Variants in TOX3 observed in about 807,000 individuals in gnomAD.
TOX3 encodes the protein TOX high mobility group box family member 3, also known as CAG trinucleotide repeat-containing gene F9 protein.
Under a neutral mutation model 64.3 loss-of-function variants are expected in TOX3, and 22 were observed. The observed-to-expected ratio is 0.34, with a 90% CI of 0.24 to 0.49. TOX3 has a LOEUF of 0.49. Among genes scored for constraint, TOX3 ranks in the 20% least tolerant of loss-of-function variants. The pLI is 0.99. For missense variants in TOX3, 661 were observed against 714.4 expected (o/e 0.93, Z 0.85); for synonymous variants, 291 against 273.6 (o/e 1.06, Z -0.63).
intron 1 of TOX3, among the ~76,000 whole-genome samples, chr16:52,499,449 GACAA>G (rs764559573): frequency 2.6e-5 from 4 of 152,056 alleles, no homozygotes; most frequent in Non-Finnish European, 4.4e-5. Flanking sequence ...ATAAATACAA[GACAA>G]ACAAACAAAC....
intron 1 of TOX3, among the ~76,000 whole-genome samples, chr16:52,498,977 C>T (rs901807400): frequency 3.9e-5 from 6 of 152,208 alleles, no homozygotes; most frequent in African/African-American, 1.4e-4. Flanking sequence ...CTTACCCTAA[C>T]ACAATGAGCG....
rs1425662404 is a variant in TOX3, at chr16:52,440,748, C to CTTTTTT, written c.988-781_988-780insAAAAAA. Reference sequence around the variant, plus strand: ...ATTGGGTTATATGGTATTTTTCTTTCTTTCTTTTTTTTTTTTTTTTTTTTT... The same window carrying CTTTTTT: ...ATTGGGTTATATGGTATTTTTCTTTCTTTTTTTTTCTTTTTTTTTTTTTTTTTTTTT... On this transcript the variant is annotated intron_variant, in intron 6 of 6. Coordinates refer to ENST00000219746, the MANE Select transcript of TOX3 (RefSeq NM_001080430.4). Among the ~76,000 whole-genome samples, 11 of 89,450 alleles carry CTTTTTT rather than the reference C, an allele frequency of 1.2e-4. 1 individual carries two copies. Among genetic ancestry groups the CTTTTTT allele is most frequent in the East Asian group, 5.9e-4 (1 of 1,704 alleles). 58.7% of individuals were successfully genotyped at this position (89,450 alleles called of 152,430 possible).
At chr16:52,538,671 T>G (rs1322343398) in intron 1 of TOX3, among the ~76,000 whole-genome samples, 4 of 152,236 alleles carry the variant, frequency 2.6e-5, no homozygotes, top group African/African-American at 9.6e-5. Flanking sequence ...TGTCTTCATA[T>G]TAGCCCATTT....
chr16:52,531,008 C>T (rs924265257), intron 1 of TOX3, among the ~76,000 whole-genome samples: 15 of 152,218 alleles, frequency 9.9e-5, no homozygotes, highest in African/African-American at 3.4e-4. Flanking sequence ...ATAGTCAAAA[C>T]TACAGTGTCT....
intron 1 of TOX3, among the ~76,000 whole-genome samples, chr16:52,514,935 C>T (rs546801615): frequency 1.3e-3 from 166 of 131,756 alleles, no homozygotes; most frequent in African/African-American, 4.1e-3. Flanking sequence ...GGCATGAACC[C>T]GGGAGGTGGA....
chr16:52,444,499 GCACACACACACACACA>G (rs200173557), intron 5 of TOX3, 143 bp from the exon 6 acceptor site: 1 of 379,824 alleles, frequency 2.6e-6, no homozygotes. Flanking sequence ...GTTAGCGCAT[GCACACACACACACACA>G]CACACACACA....
intron 1 of TOX3, among the ~76,000 whole-genome samples, chr16:52,516,372 G>A (rs528751419): frequency 2.6e-4 from 40 of 152,042 alleles, no homozygotes; most frequent in African/African-American, 3.4e-4. Flanking sequence ...CAAGAGAAAG[G>A]GAACTGGATT....
intron 1 of TOX3, among the ~76,000 whole-genome samples, chr16:52,495,444 G>A (rs1961820558): frequency 6.6e-6 from 1 of 152,214 alleles, no homozygotes; most frequent in African/African-American, 2.4e-5. Context: ...CAGGCCTAAA[G>A]TGTGGGGGAA....
chr16:52,494,799 A>G (rs1961795344), intron 1 of TOX3, among the ~76,000 whole-genome samples: 1 of 152,246 alleles, frequency 6.6e-6, no homozygotes, highest in South Asian at 2.1e-4. Flanking sequence ...CACCAATCTG[A>G]TTATATGATT....
intron 1 of TOX3, among the ~76,000 whole-genome samples, chr16:52,494,637 A>G (rs962964458): frequency 6.6e-6 from 1 of 152,134 alleles, no homozygotes; most frequent in African/African-American, 2.4e-5. Flanking sequence ...GATTAAATCC[A>G]TCTCTCTAAC....
intron 1 of TOX3, among the ~76,000 whole-genome samples, chr16:52,507,525 C>T (rs1043377878): frequency 2.6e-5 from 4 of 152,142 alleles, no homozygotes; most frequent in South Asian, 4.1e-4. Context: ...TCTGTGATTA[C>T]GTATAGGAAG....
chr16:52,479,802 C>A (rs1350025926), intron 1 of TOX3, among the ~76,000 whole-genome samples: 1 of 152,164 alleles, frequency 6.6e-6, no homozygotes, highest in Non-Finnish European at 1.5e-5. Context: ...ATCCCAATAT[C>A]GCTGGGAGGA....
intron 1 of TOX3, among the ~76,000 whole-genome samples, chr16:52,490,626 A>ATTTTTTT (rs3086679): frequency 0.13 from 12,506 of 98,348 alleles, 1,379 homozygotes; most frequent in East Asian, 0.15. Context: ...CTAGGATGTA[A>ATTTTTTT]TTTTTTTTTT....
intron 1 of TOX3, among the ~76,000 whole-genome samples, chr16:52,517,083 A>G (rs1180288098): frequency 6.6e-6 from 1 of 152,222 alleles, no homozygotes; most frequent in Non-Finnish European, 1.5e-5. Flanking sequence ...CATACACAAT[A>G]TGTTAAGAAA....
At chr16:52,527,705 A>T (rs2076702978) in intron 1 of TOX3, among the ~76,000 whole-genome samples, 1 of 152,180 alleles carries the variant, frequency 6.6e-6, no homozygotes, top group Non-Finnish European at 1.5e-5. Flanking sequence ...GAACACAATG[A>T]TGGAGGCTCC....
chr16:52,463,017 T>G (rs1960738636), intron 3 of TOX3, among the ~76,000 whole-genome samples: 1 of 152,180 alleles, frequency 6.6e-6, no homozygotes, highest in East Asian at 1.9e-4. Context: ...TATGTTGTTA[T>G]CTGGGGAATT....
chr16:52,440,101 T>C (rs1959917421), intron 6 of TOX3, 133 bp from the exon 7 acceptor site: 2 of 715,908 alleles, frequency 2.8e-6, no homozygotes, highest in Non-Finnish European at 4.3e-6. Context: ...TGTGTACTCT[T>C]TGTCTTGTGA....
intron 1 of TOX3, among the ~76,000 whole-genome samples, chr16:52,474,817 GC>G (rs199587443): frequency 0.016 from 2,464 of 152,100 alleles, 38 homozygotes; most frequent in Middle Eastern, 0.041. Flanking sequence ...CTCTCCAATG[GC>G]TTCCGATTCA....
At chr16:52,540,423 T>C (rs1222000398) in intron 1 of TOX3, among the ~76,000 whole-genome samples, 3 of 151,960 alleles carry the variant, frequency 2.0e-5, no homozygotes, top group Non-Finnish European at 2.9e-5. Flanking sequence ...TGTATATATA[T>C]ATTCCTCGAA....
Sources: allele counts gnomAD v4.1 joint callset (sites outside exome capture counted in the v4.1 genomes callset), GRCh38; gene constraint gnomAD v4.1.1; transcripts MANE v1.5; gene names NCBI Gene and HGNC (gene_info 2026-07-23, HGNC 2026-07-21).